ATXN7L1: variants seen among roughly 807,000 people sequenced by gnomAD.
The protein encoded by ATXN7L1 is ataxin 7 like 1.
In ATXN7L1, 15 loss-of-function variants were observed where a neutral mutation model predicts 70.8. The observed-to-expected ratio is 0.21, with a 90% CI of 0.14 to 0.33. ATXN7L1 has a LOEUF of 0.33. Among genes scored for constraint, ATXN7L1 ranks in the 10% least tolerant of loss-of-function variants. The pLI is 1.00. For synonymous variants in ATXN7L1, 440 were observed against 445.1 expected (o/e 0.99, Z 0.14); for missense variants, 975 against 1,097.1 (o/e 0.89, Z 1.57).
At chr7:105,789,242 T>A (rs1326424555) in intron 2 of ATXN7L1, among the ~76,000 whole-genome samples, 1 of 152,220 alleles carries the variant, frequency 6.6e-6, no homozygotes, top group East Asian at 1.9e-4. Flanking sequence ...TTTGCTGCCA[T>A]CATTACCCAT....
chr7:105,797,118 C>T (rs540613271), intron 2 of ATXN7L1, among the ~76,000 whole-genome samples: 3 of 152,188 alleles, frequency 2.0e-5, no homozygotes, highest in Non-Finnish European at 2.9e-5. Flanking sequence ...GGGGAGTGAG[C>T]GTGCGGGTGC....
chr7:105,726,996 C>T (rs955944633), intron 3 of ATXN7L1, among the ~76,000 whole-genome samples: 2 of 152,184 alleles, frequency 1.3e-5, no homozygotes, highest in Admixed American at 6.5e-5. Flanking sequence ...GTCTTACCTC[C>T]GTATTCACTA....
chr7:105,766,623 C>A (rs6965351), intron 3 of ATXN7L1, among the ~76,000 whole-genome samples: 1 of 152,116 alleles, frequency 6.6e-6, no homozygotes, highest in Admixed American at 6.5e-5. Context: ...GTTACAACCC[C>A]GAAGCCAGGG....
At chr7:105,624,356 A>C (rs1795359517) in intron 7 of ATXN7L1, 89 bp from the exon 8 acceptor site, 1 of 1,234,502 alleles carries the variant, frequency 8.1e-7, no homozygotes, top group Non-Finnish European at 1.0e-6. Flanking sequence ...GTGCTCAGAA[A>C]ACAGCCTGAT....
chr7:105,615,981 C>T (rs958187477), intron 9 of ATXN7L1, among the ~76,000 whole-genome samples: 3 of 152,164 alleles, frequency 2.0e-5, no homozygotes, highest in Non-Finnish European at 2.9e-5. Flanking sequence ...AGGAGGCACA[C>T]GGCCACAGGG....
chr7:105,829,706 A>AAAGT (rs1277437197), intron 2 of ATXN7L1, among the ~76,000 whole-genome samples: 1 of 152,228 alleles, frequency 6.6e-6, no homozygotes, highest in Non-Finnish European at 1.5e-5. Context: ...TGCATTTACT[A>AAAGT]AAGTAAGGCT....
At chr7:105,639,705 TTG>T in intron 5 of ATXN7L1, 136 bp from the exon 6 acceptor site, 2 of 689,034 alleles carry the variant, frequency 2.9e-6, no homozygotes, top group South Asian at 3.9e-5. Context: ...TTTTGTTTTT[TTG>T]TGTTTTGTTT....
At chr7:105,630,855 T>G (rs1562923551) in intron 7 of ATXN7L1, among the ~76,000 whole-genome samples, 1 of 152,264 alleles carries the variant, frequency 6.6e-6, no homozygotes, top group East Asian at 1.9e-4. Flanking sequence ...TCAATTTTGC[T>G]GGGAAACTAA....
In ATXN7L1 at chr7:105,638,419, C is replaced by T; in HGVS notation, c.1136G>A (p.Ser379Asn). The change falls in exon 7 of 12, where the codon AGC (serine) becomes AAC (asparagine). Residue 379 changes from serine (S) to asparagine (N), a missense_variant. This residue lies in a region of ATXN7L1 where 635 missense variants were observed against 699.4 expected (regional missense o/e 0.91). Transcript: ENST00000419735. ...TGCAACTTTTGGTTCTGGCCCAGAG[C>T]TCCCTGAAGACCCTAGCAGAGAATC... ...AQDSLLGSSG[S>N]SGPEPKVASP... The T allele has an allele frequency of 6.4e-7, 1 of 1,552,278 alleles. No individual in the cohort carries two copies. The highest frequency in any genetic ancestry group is 1.2e-5 in the South Asian group (1 of 84,060).
chr7:105,714,927 G>C (rs1794358400), intron 3 of ATXN7L1, among the ~76,000 whole-genome samples: 2 of 152,080 alleles, frequency 1.3e-5, no homozygotes, highest in Admixed American at 1.3e-4. Flanking sequence ...AGCCCCACTG[G>C]ATAACTTCTT....
At chr7:105,860,383 A>G (rs1816446864) in intron 2 of ATXN7L1, among the ~76,000 whole-genome samples, 1 of 152,038 alleles carries the variant, frequency 6.6e-6, no homozygotes, top group Non-Finnish European at 1.5e-5. Context: ...GCATTTTTTC[A>G]TGGAATTTTC....
intron 2 of ATXN7L1, among the ~76,000 whole-genome samples, 163 bp from the exon 3 acceptor site, chr7:105,788,871 C>T (rs1278382064): frequency 1.3e-5 from 2 of 152,206 alleles, no homozygotes; most frequent in African/African-American, 2.4e-5. Flanking sequence ...AGGCAACTCC[C>T]CGCCTCTTAG....
chr7:105,657,289 A>G (rs1800808798), intron 4 of ATXN7L1, among the ~76,000 whole-genome samples: 1 of 152,190 alleles, frequency 6.6e-6, no homozygotes, highest in South Asian at 2.1e-4. Context: ...TAACATTTAA[A>G]GAGATTAGAG....
chr7:105,660,300 G>C (rs982111884), intron 4 of ATXN7L1, among the ~76,000 whole-genome samples: 2 of 151,882 alleles, frequency 1.3e-5, no homozygotes, highest in African/African-American at 4.8e-5. Context: ...AAATTTCCAG[G>C]GTGAAGTCCA....
At chr7:105,766,155 T>A (rs1352554957) in intron 3 of ATXN7L1, among the ~76,000 whole-genome samples, 2 of 150,296 alleles carry the variant, frequency 1.3e-5, no homozygotes, top group Non-Finnish European at 3.0e-5. Context: ...GTCAACCATG[T>A]TTTGGCAACT....
At chr7:105,686,161 G>A (rs1338696537) in intron 3 of ATXN7L1, among the ~76,000 whole-genome samples, 5 of 152,032 alleles carry the variant, frequency 3.3e-5, no homozygotes, top group African/African-American at 1.2e-4. Flanking sequence ...GATGCTCTCT[G>A]ACTTACAATG....
chr7:105,825,717 G>T (rs1277238107), intron 2 of ATXN7L1, among the ~76,000 whole-genome samples: 1 of 152,018 alleles, frequency 6.6e-6, no homozygotes, highest in East Asian at 1.9e-4. Flanking sequence ...TCTTTTAGAA[G>T]GGAACAGATT....
At chr7:105,874,599 T>C (rs1409267321) in intron 2 of ATXN7L1, among the ~76,000 whole-genome samples, 1 of 152,226 alleles carries the variant, frequency 6.6e-6, no homozygotes, top group East Asian at 1.9e-4. Context: ...CCAAAGTGCT[T>C]AATTAGCAGA....
At chr7:105,786,669 C>A (rs1012302193) in intron 3 of ATXN7L1, among the ~76,000 whole-genome samples, 1 of 151,888 alleles carries the variant, frequency 6.6e-6, no homozygotes, top group Non-Finnish European at 1.5e-5. Context: ...TACAGGTATA[C>A]CACCACACCT....
Sources: allele counts gnomAD v4.1 joint callset (sites outside exome capture counted in the v4.1 genomes callset), GRCh38; gene constraint gnomAD v4.1.1; regional missense constraint gnomAD v4.1.1; transcripts MANE v1.5; gene names NCBI Gene and HGNC (gene_info 2026-07-23, HGNC 2026-07-21).